The following KCND2 variants were observed in gnomAD, a reference collection of about 807,000 sequenced individuals.
The protein encoded by KCND2 is potassium voltage-gated channel subfamily D member 2.
In KCND2, 16 loss-of-function variants were observed where a neutral mutation model predicts 54.4. The observed-to-expected ratio is 0.29, with a 90% CI of 0.20 to 0.45. The LOEUF (loss-of-function observed/expected upper bound fraction) is 0.45. Among genes scored for constraint, KCND2 ranks in the 20% least tolerant of loss-of-function variants. The pLI is 1.00. For synonymous variants in KCND2, 317 were observed against 310.7 expected (o/e 1.02, Z -0.21); for missense variants, 486 against 824.2 (o/e 0.59, Z 5.02).
At chr7:120,278,629 C>G (rs141119173) in intron 1 of KCND2, among the ~76,000 whole-genome samples, 1 of 151,428 alleles carries the variant, frequency 6.6e-6, no homozygotes, top group Non-Finnish European at 1.5e-5. Context: ...GTTTTATGAT[C>G]TAAAGAACTG....
At chr7:120,303,463 A>G (rs1799612417) in intron 1 of KCND2, among the ~76,000 whole-genome samples, 1 of 152,234 alleles carries the variant, frequency 6.6e-6, no homozygotes, top group Non-Finnish European at 1.5e-5. Context: ...GAAAAACTGT[A>G]TAGCATATAT....
At chr7:120,579,116 A>G (rs963216201) in intron 1 of KCND2, among the ~76,000 whole-genome samples, 1 of 152,294 alleles carries the variant, frequency 6.6e-6, no homozygotes, top group African/African-American at 2.4e-5. Flanking sequence ...TAAATGAAGA[A>G]CATATATTTT....
intron 1 of KCND2, among the ~76,000 whole-genome samples, chr7:120,582,827 C>A (rs542518554): frequency 3.3e-5 from 5 of 151,510 alleles, no homozygotes; most frequent in African/African-American, 9.7e-5. Context: ...ATATATTTTT[C>A]TTCCTTTCCA....
intron 1 of KCND2, among the ~76,000 whole-genome samples, chr7:120,365,613 G>T (rs1262951645): frequency 6.6e-6 from 1 of 152,132 alleles, no homozygotes; most frequent in African/African-American, 2.4e-5. Context: ...GGGCAGAGGT[G>T]CTGGACCTAT....
At chr7:120,728,353 G>T (rs185475815) in intron 1 of KCND2, among the ~76,000 whole-genome samples, 6 of 147,982 alleles carry the variant, frequency 4.1e-5, no homozygotes, top group Non-Finnish European at 7.4e-5. Context: ...GTGCAATGGC[G>T]CCATCTCGGC....
chr7:120,543,406 C>A (rs1188304462), intron 1 of KCND2, among the ~76,000 whole-genome samples: 1 of 150,860 alleles, frequency 6.6e-6, no homozygotes, highest in African/African-American at 2.4e-5. Context: ...GAGATACACA[C>A]AAAAAAAAGA....
At chr7:120,578,825 A>G in intron 1 of KCND2, among the ~76,000 whole-genome samples, 1 of 151,980 alleles carries the variant, frequency 6.6e-6, no homozygotes, top group East Asian at 1.9e-4. Flanking sequence ...AGATTGCACC[A>G]TTGCACTCCA....
chr7:120,489,238 T>C (rs1242290232), intron 1 of KCND2, among the ~76,000 whole-genome samples: 2 of 152,072 alleles, frequency 1.3e-5, no homozygotes, highest in Non-Finnish European at 2.9e-5. Flanking sequence ...CAGTCTGTTA[T>C]TATAACTCTA....
chr7:120,320,788 C>T (rs1048998534), intron 1 of KCND2, among the ~76,000 whole-genome samples: 1 of 152,124 alleles, frequency 6.6e-6, no homozygotes, highest in Admixed American at 6.6e-5. Context: ...GGTGATTGCT[C>T]TGTCGCTAAC....
chr7:120,326,270 C>A (rs963715599), intron 1 of KCND2, among the ~76,000 whole-genome samples: 1 of 151,972 alleles, frequency 6.6e-6, no homozygotes, highest in Non-Finnish European at 1.5e-5. Flanking sequence ...TTCAATGTAA[C>A]CTTTTTAATA....
chr7:120,336,511 T>C (rs1359573320), intron 1 of KCND2, among the ~76,000 whole-genome samples: 3 of 152,196 alleles, frequency 2.0e-5, no homozygotes, highest in Non-Finnish European at 4.4e-5. Context: ...TTAGCATTTA[T>C]TACTTTATTA....
intron 1 of KCND2, among the ~76,000 whole-genome samples, chr7:120,502,772 T>G (rs572671929): frequency 2.0e-5 from 3 of 152,054 alleles, no homozygotes; most frequent in Non-Finnish European, 4.4e-5. Context: ...TTTATTTGTA[T>G]CTACCAACTT....
chr7:120,677,548 GATATATAGATAT>G (rs1446206874), intron 1 of KCND2, among the ~76,000 whole-genome samples: 44 of 122,682 alleles, frequency 3.6e-4, no homozygotes, highest in African/African-American at 1.4e-3. Flanking sequence ...TATAGATATA[GATATATAGATAT>G]ATAGATATAT....
At chr7:120,366,283 G>C (rs757585986) in intron 1 of KCND2, among the ~76,000 whole-genome samples, 2 of 152,120 alleles carry the variant, frequency 1.3e-5, no homozygotes, top group East Asian at 3.9e-4. Flanking sequence ...TGAGGAGTTC[G>C]AGACCAGCTT....
chr7:120,375,998 A>G (rs914991907), intron 1 of KCND2, among the ~76,000 whole-genome samples: 13 of 151,820 alleles, frequency 8.6e-5, no homozygotes, highest in Non-Finnish European at 7.4e-5. Context: ...ATTCAGTGCT[A>G]ACCAAGCGTA....
In KCND2 at chr7:120,364,824, G is replaced by A. The variant is rs936433017; in HGVS notation, c.1115+89077G>A. The stretch of plus-strand genomic sequence containing the variant: ...CAGATATTGAGGATGGGGGTTTCTT[G>A]CCCGTCAGACTTAGCAGGGTTATTT... On this transcript the variant is annotated intron_variant, in intron 1 of 5. Transcript: ENST00000331113. 2.6e-5 allele frequency among the ~76,000 whole-genome samples: 4 copies of A among 152,028 alleles called. No homozygotes were observed. The South Asian group carries it at 6.2e-4, about 24-fold the overall frequency.
chr7:120,340,664 C>T lies in KCND2; in HGVS notation c.1115+64917C>T, dbSNP rs146813173. On this transcript the variant is annotated intron_variant, in intron 1 of 5. Transcript: ENST00000331113. ...GTATGGTAAGAATTGAAAAGATGGC[C>T]ATTTGATTTGGCAATCCAGAGTTCA... Among the ~76,000 whole-genome samples the T allele has an allele frequency of 2.0e-4, 31 of 152,222 alleles. No homozygotes were observed. In the East Asian group the frequency reaches 6.0e-3, roughly 29 times the overall value.
At chr7:120,290,385 T>A (rs1212060083) in intron 1 of KCND2, among the ~76,000 whole-genome samples, 7 of 152,080 alleles carry the variant, frequency 4.6e-5, no homozygotes, top group Admixed American at 4.6e-4. Context: ...ACCTTTTTGA[T>A]ATGCTGATTC....
intron 1 of KCND2, among the ~76,000 whole-genome samples, chr7:120,357,365 C>G (rs1258784192): frequency 6.6e-6 from 1 of 152,044 alleles, no homozygotes; most frequent in Admixed American, 6.6e-5. Context: ...TTACAATGTG[C>G]TTTTCCTGTT....
Sources: allele counts gnomAD v4.1 joint callset (sites outside exome capture counted in the v4.1 genomes callset), GRCh38; gene constraint gnomAD v4.1.1; transcripts MANE v1.5; gene names NCBI Gene and HGNC (gene_info 2026-07-23, HGNC 2026-07-21).